Variants in RAPGEF1 observed in about 807,000 individuals in gnomAD.
RAPGEF1 encodes the protein CRK SH3-binding GNRP.
RAPGEF1 carries 33 observed loss-of-function variants against 143.3 expected under a neutral mutation model. The ratio of observed to expected loss-of-function variants is 0.23; its 90% CI spans 0.17 to 0.31. RAPGEF1 has a LOEUF of 0.31. RAPGEF1 is among the 10% of genes least tolerant of loss of function. The probability of loss-of-function intolerance (pLI) is 1.00; values close to 1 mark genes in which losing one functional copy is unlikely to be tolerated. For synonymous variants in RAPGEF1, 629 were observed against 676.5 expected (o/e 0.93, Z 1.09); for missense variants, 1,199 against 1,645.4 (o/e 0.73, Z 4.69).
chr9:131,590,569 C>T (rs528598362), intron 18 of RAPGEF1, among the ~76,000 whole-genome samples: 29 of 152,346 alleles, frequency 1.9e-4, no homozygotes, highest in African/African-American at 7.0e-4. Context: ...TAGCTCATGC[C>T]CTGAGGTCGG....
At chr9:131,635,515 G>T (rs1416884615) in intron 5 of RAPGEF1, among the ~76,000 whole-genome samples, 1 of 152,180 alleles carries the variant, frequency 6.6e-6, no homozygotes, top group Non-Finnish European at 1.5e-5. Context: ...CTCCAAGTGG[G>T]CTGACAACAT....
At chr9:131,726,059 A>G (rs149776047) in intron 1 of RAPGEF1, among the ~76,000 whole-genome samples, 1 of 151,986 alleles carries the variant, frequency 6.6e-6, no homozygotes, top group African/African-American at 2.4e-5. Context: ...GCACCCGGCC[A>G]AAATTGGGTT....
chr9:131,593,523 T>A (rs541171303), intron 17 of RAPGEF1, among the ~76,000 whole-genome samples: 5 of 152,306 alleles, frequency 3.3e-5, no homozygotes, highest in Admixed American at 2.6e-4. Context: ...ATAGACCACC[T>A]GCTCCCACCT....
intron 1 of RAPGEF1, among the ~76,000 whole-genome samples, chr9:131,703,419 C>T (rs1834814465): frequency 6.6e-6 from 1 of 152,178 alleles, no homozygotes; most frequent in African/African-American, 2.4e-5. Flanking sequence ...AATGTAACTT[C>T]TCTGTATGTG....
intron 6 of RAPGEF1, 51 bp downstream of exon 6, chr9:131,630,185 A>C (rs1964454745): frequency 6.5e-7 from 1 of 1,542,598 alleles, no homozygotes; most frequent in Non-Finnish European, 9.0e-7. Flanking sequence ...TCAAGTGCAG[A>C]CTTTGCCACT....
At chr9:131,626,751 T>C (rs916589016) in intron 9 of RAPGEF1, among the ~76,000 whole-genome samples, 22 of 152,230 alleles carry the variant, frequency 1.4e-4, no homozygotes, top group African/African-American at 5.3e-4. Flanking sequence ...ACTTTCTATT[T>C]ACATTTTGAA....
intron 10 of RAPGEF1, among the ~76,000 whole-genome samples, chr9:131,625,272 TA>T (rs1488920879): frequency 1.3e-5 from 2 of 152,150 alleles, no homozygotes; most frequent in Non-Finnish European, 2.9e-5. Flanking sequence ...GTGGAGCAGT[TA>T]GGGGAGCTAG....
rs751085307 is a variant in RAPGEF1, at chr9:131,650,776, G to T, written c.201+34C>A. 5 of 1,609,150 alleles carry T rather than the reference G, an allele frequency of 3.1e-6. No individual in the cohort carries two copies. Among genetic ancestry groups the T allele is most frequent in the Non-Finnish European group, 4.2e-6 (5 of 1,177,744 alleles). ...CACAAACTCATATTGCTGGAAGCAGGTGAGGCCAGGAGAAACATCCAGAGT... is the reference window on the plus strand; with the variant it reads ...CACAAACTCATATTGCTGGAAGCAGTTGAGGCCAGGAGAAACATCCAGAGT... On this transcript the variant is annotated intron_variant, in intron 2 of 26. Transcript: ENST00000683357. This position sits in a 1 kb window ranked among gnomAD's most constrained non-coding sequence, Gnocchi z 4.7.
In RAPGEF1 at chr9:131,604,995, G is replaced by GGA; in HGVS notation, c.2254_2255insTC (p.Ser752PhefsTer116). 7.4e-7 allele frequency: 1 copy of GGA among 1,347,950 alleles called. No homozygotes were observed. Among genetic ancestry groups the GGA allele is most frequent in the South Asian group, 1.2e-5 (1 of 84,908 alleles). The allele number at this position is 1,347,950 out of a possible 1,614,324, so 83.5% of individuals were successfully genotyped here. ...ATTCCCATGAAAGCTGCTCTCCTGA[G>GGA]AAGCCGAGAGAGGCCCGTCCACGGT... On this transcript the variant is annotated frameshift_variant, in exon 13 of 27. Transcript: ENST00000683357. LOFTEE classifies it high-confidence loss of function.
intron 1 of RAPGEF1, among the ~76,000 whole-genome samples, chr9:131,696,077 G>A (rs1164233619): frequency 1.3e-5 from 2 of 152,224 alleles, no homozygotes; most frequent in South Asian, 2.1e-4. Flanking sequence ...CAGAGCCACA[G>A]ACCCTCACCT....
At chr9:131,669,180 C>CT (rs549267546) in intron 1 of RAPGEF1, among the ~76,000 whole-genome samples, 31 of 152,356 alleles carry the variant, frequency 2.0e-4, no homozygotes, top group African/African-American at 6.3e-4. Context: ...CTCAGAGACT[C>CT]TGAGAACTCA....
At chr9:131,735,101 G>A (rs1256254567) in intron 1 of RAPGEF1, among the ~76,000 whole-genome samples, 3 of 152,058 alleles carry the variant, frequency 2.0e-5, no homozygotes, top group Non-Finnish European at 1.5e-5. Context: ...CAGTTAGAAG[G>A]TATGGCCCAG....
intron 1 of RAPGEF1, among the ~76,000 whole-genome samples, chr9:131,706,409 C>T (rs1385716726): frequency 2.6e-5 from 4 of 152,014 alleles, no homozygotes; most frequent in South Asian, 4.2e-4. Flanking sequence ...ACTACTTGCG[C>T]GCGCCACCAT....
chr9:131,582,281 C>G (rs2132093676), intron 25 of RAPGEF1, among the ~76,000 whole-genome samples: 1 of 152,016 alleles, frequency 6.6e-6, no homozygotes, highest in East Asian at 1.9e-4. Context: ...CTGTCACAAG[C>G]ATGGCTGCAC....
intron 1 of RAPGEF1, among the ~76,000 whole-genome samples, chr9:131,700,750 G>A (rs1369526769): frequency 1.3e-5 from 2 of 152,120 alleles, no homozygotes; most frequent in African/African-American, 4.8e-5. Context: ...GAAGAAGGAG[G>A]TCTCCATTTG....
chr9:131,717,929 G>C (rs1039690222), intron 1 of RAPGEF1, among the ~76,000 whole-genome samples: 1 of 152,126 alleles, frequency 6.6e-6, no homozygotes, highest in Non-Finnish European at 1.5e-5. Flanking sequence ...AGGGAGCAAA[G>C]GACACAGGAA....
At chr9:131,700,377 C>T (rs1418059213) in intron 1 of RAPGEF1, among the ~76,000 whole-genome samples, 2 of 152,194 alleles carry the variant, frequency 1.3e-5, no homozygotes, top group Non-Finnish European at 2.9e-5. Flanking sequence ...AAACTAACAA[C>T]CCTCTTCCCC....
At chr9:131,596,157 G>A in intron 17 of RAPGEF1, 141 bp downstream of exon 17, 1 of 722,348 alleles carries the variant, frequency 1.4e-6, no homozygotes, top group South Asian at 1.7e-5. Context: ...GGCTCTCCCT[G>A]CTCTGACTCA....
At chr9:131,619,318 G>C in intron 11 of RAPGEF1, 112 bp from the exon 12 acceptor site, 7 of 957,994 alleles carry the variant, frequency 7.3e-6, no homozygotes, top group Non-Finnish European at 1.0e-5. Context: ...TCCTCTAACA[G>C]ACGTTCTGGA....
Sources: allele counts gnomAD v4.1 joint callset (sites outside exome capture counted in the v4.1 genomes callset), GRCh38; gene constraint gnomAD v4.1.1; non-coding constraint Gnocchi (gnomAD v3.1); transcripts MANE v1.5; gene names NCBI Gene and HGNC (gene_info 2026-07-23, HGNC 2026-07-21).